The following LMO7 variants were observed in gnomAD, a reference collection of about 807,000 sequenced individuals.
LMO7 encodes the protein LIM domain 7, also known as LIM domain only protein 7.
In LMO7, 120 loss-of-function variants were observed where a neutral mutation model predicts 206.5. That is an observed-to-expected ratio of 0.58 (90% CI 0.50 to 0.68). LMO7 has a LOEUF of 0.68. Ranked by LOEUF, LMO7 falls within the 30% of genes least tolerant of loss-of-function variation. The pLI, the probability that LMO7 is intolerant of heterozygous loss-of-function variation, is 0.00. For missense variants in LMO7, 1,959 were observed against 1,957.9 expected (o/e 1.00, Z -0.01); for synonymous variants, 706 against 681.5 (o/e 1.04, Z -0.56).
intron 1 of LMO7, among the ~76,000 whole-genome samples, chr13:75,694,952 C>T (rs188373722): frequency 1.3e-5 from 2 of 152,078 alleles, no homozygotes; most frequent in East Asian, 1.9e-4. Flanking sequence ...TTCACAGTTT[C>T]GAGGGTGAAG....
At chr13:75,675,700 G>C (rs756489213) in intron 1 of LMO7, among the ~76,000 whole-genome samples, 1 of 152,144 alleles carries the variant, frequency 6.6e-6, no homozygotes, top group South Asian at 2.1e-4. Flanking sequence ...ACAGAGCTCT[G>C]TATCTAAATG....
chr13:75,853,600 C>G (rs1316770784), intron 28 of LMO7, among the ~76,000 whole-genome samples: 1 of 152,196 alleles, frequency 6.6e-6, no homozygotes, highest in Non-Finnish European at 1.5e-5. Flanking sequence ...TGTGAAGCCA[C>G]TGGAGACTTT....
intron 2 of LMO7, among the ~76,000 whole-genome samples, chr13:75,723,373 G>C (rs1032636549): frequency 5.7e-5 from 8 of 140,548 alleles, no homozygotes; most frequent in Non-Finnish European, 9.3e-5. Flanking sequence ...ATAAATCACA[G>C]GTTAAAAAGT....
At chr13:75,698,007 T>G (rs906291819) in intron 1 of LMO7, among the ~76,000 whole-genome samples, 2 of 152,242 alleles carry the variant, frequency 1.3e-5, no homozygotes, top group Non-Finnish European at 2.9e-5. Context: ...CAAACCCATT[T>G]AATGTGGCCC....
intron 3 of LMO7, chr13:75,760,292 T>G: frequency 2.2e-6 from 2 of 915,236 alleles, no homozygotes; most frequent in Non-Finnish European, 2.6e-6. Context: ...AGGCAGCTCT[T>G]GAGGCAGGTG....
At chr13:75,822,762 CTATA>C (rs66789925) in intron 14 of LMO7, among the ~76,000 whole-genome samples, 4,301 of 108,346 alleles carry the variant, frequency 0.04, 136 homozygotes, top group African/African-American at 0.098. Flanking sequence ...TTTTTAGAAA[CTATA>C]TATATATATA....
chr13:75,737,695 G>A (rs1406369394), intron 3 of LMO7, among the ~76,000 whole-genome samples: 195 of 126,990 alleles, frequency 1.5e-3, no homozygotes, highest in Non-Finnish European at 2.5e-3. Flanking sequence ...GGAGCTTGCA[G>A]TGAGCCGAGA....
intron 2 of LMO7, among the ~76,000 whole-genome samples, chr13:75,716,627 G>T (rs1009674192): frequency 6.6e-6 from 1 of 152,024 alleles, no homozygotes; most frequent in Non-Finnish European, 1.5e-5. Flanking sequence ...AATGTGCTAT[G>T]AATTTTATTA....
At chr13:75,703,559 C>A (rs1376562700) in intron 1 of LMO7, among the ~76,000 whole-genome samples, 1 of 152,198 alleles carries the variant, frequency 6.6e-6, no homozygotes, top group Non-Finnish European at 1.5e-5. Context: ...AGGGTTGCTA[C>A]AAAGATTCAG....
At chr13:75,792,350 A>G (rs570265603) in intron 4 of LMO7, among the ~76,000 whole-genome samples, 9 of 152,308 alleles carry the variant, frequency 5.9e-5, no homozygotes, top group African/African-American at 2.2e-4. Context: ...TACTTTGTCC[A>G]GAAGGAAATC....
In LMO7 at chr13:75,833,106, A is replaced by G; in HGVS notation, c.3005A>G (p.Asp1002Gly). ...SINQTPGKSL[D>G]FGFTIKWDIP... ...AACCAGACGCCTGGGAAGAGTCTTGACTTTGGGTTTACAATAAAATGGGAT... is the reference window on the plus strand; with the variant it reads ...AACCAGACGCCTGGGAAGAGTCTTGGCTTTGGGTTTACAATAAAATGGGAT... The change falls in exon 16 of 31, where the codon GAC (aspartate) becomes GGC (glycine). Residue 1002 changes from aspartate to glycine, a missense_variant. By Grantham distance (94) the Asp-to-Gly change is moderately conservative. Coordinates refer to ENST00000377534, the MANE Select transcript of LMO7 (RefSeq NM_001306080.2). 6.2e-7 allele frequency: 1 copy of G among 1,612,148 alleles called. No homozygotes were observed. The highest frequency in any genetic ancestry group is 2.2e-5 in the East Asian group (1 of 44,846).
chr13:75,650,752 T>C (rs2139131143), intron 1 of LMO7, among the ~76,000 whole-genome samples: 1 of 152,354 alleles, frequency 6.6e-6, no homozygotes, highest in East Asian at 1.9e-4. Context: ...ACAGTAATGT[T>C]TATGGCTTTG....
intron 6 of LMO7, 50 bp downstream of exon 6, chr13:75,796,799 G>A: frequency 9.0e-7 from 1 of 1,105,020 alleles, no homozygotes; most frequent in East Asian, 2.4e-5. Flanking sequence ...CAGTATCACT[G>A]CTTTCCCTTC....
chr13:75,628,959 G>A (rs548182401), intron 2 of LMO7, among the ~76,000 whole-genome samples: 1 of 152,304 alleles, frequency 6.6e-6, no homozygotes, highest in South Asian at 2.1e-4. Context: ...CAGTTTCTTT[G>A]TGTAGAACAG....
chr13:75,774,774 T>C (rs1402408233), intron 4 of LMO7, among the ~76,000 whole-genome samples: 1 of 152,190 alleles, frequency 6.6e-6, no homozygotes, highest in East Asian at 1.9e-4. Flanking sequence ...TTGTTAGATA[T>C]ATCAGTTATC....
chr13:75,737,997 T>A (rs2046086387), intron 3 of LMO7, among the ~76,000 whole-genome samples: 1 of 151,786 alleles, frequency 6.6e-6, no homozygotes, highest in Admixed American at 6.6e-5. Context: ...GCTACAGATA[T>A]CCCAGGTCAC....
intron 1 of LMO7, among the ~76,000 whole-genome samples, chr13:75,643,406 T>G (rs1238744200): frequency 2.0e-5 from 3 of 152,240 alleles, no homozygotes; most frequent in South Asian, 2.1e-4. Flanking sequence ...AGTTAGCATC[T>G]GCTGATTGAG....
chr13:75,668,154 G>C (rs1054667150), intron 1 of LMO7, among the ~76,000 whole-genome samples: 5 of 152,204 alleles, frequency 3.3e-5, no homozygotes, highest in African/African-American at 1.2e-4. Context: ...GCTGCAGTGA[G>C]CCAAGATTGC....
At chr13:75,655,403 A>G (rs2037963095) in intron 1 of LMO7, among the ~76,000 whole-genome samples, 1 of 152,080 alleles carries the variant, frequency 6.6e-6, no homozygotes, top group Admixed American at 6.6e-5. Context: ...TCTTCAACAC[A>G]AAATGTCAGG....
Sources: gnomAD v4.1 joint callset for allele counts (sites outside exome capture counted in the v4.1 genomes callset) on GRCh38, gnomAD v4.1.1 for gene constraint, MANE v1.5 for transcripts, NCBI Gene and HGNC (gene_info 2026-07-23, HGNC 2026-07-21) for gene names.